Variants in CC2D2B observed in about 807,000 individuals in gnomAD.
CC2D2B encodes the protein protein CC2D2B.
A neutral mutation model predicts 161.2 loss-of-function variants in CC2D2B; 128 were observed. The observed-to-expected ratio is 0.79, with a 90% confidence interval of 0.69 to 0.92. The LOEUF (loss-of-function observed/expected upper bound fraction) is 0.92, where lower values mean the gene tolerates loss of function less well. Among genes scored for constraint, CC2D2B ranks in the 40% least tolerant of loss-of-function variants. The probability of loss-of-function intolerance (pLI) is 0.00; values close to 1 mark genes in which losing one functional copy is unlikely to be tolerated. For missense variants in CC2D2B, 1,173 were observed against 1,375.1 expected (o/e 0.85, Z 2.32); for synonymous variants, 391 against 449.8 (o/e 0.87, Z 1.65).
chr10:95,965,880 G>A lies in CC2D2B; in HGVS notation c.1251-16G>A. ...CATTATTTCTGCTTTCAATAATTCT[G>A]TTTATTATTAATTAGGATTAAAATG... On this transcript the variant is annotated splice_polypyrimidine_tract_variant and intron_variant, in intron 12 of 34. Transcript: ENST00000646931. 9.5e-7 allele frequency: 1 copy of A among 1,050,852 alleles called. No homozygotes were observed. The highest frequency in any genetic ancestry group is 1.2e-6 in the Non-Finnish European group (1 of 825,142). The allele number at this position is 1,050,852 out of a possible 1,614,324, so 65.1% of individuals were successfully genotyped here. A position where few individuals can be genotyped will look rare whatever the true frequency, so the allele number is the denominator to read the frequency against.
At chr10:95,966,602 G>A (rs1043777305) in intron 14 of CC2D2B, among the ~76,000 whole-genome samples, 2 of 151,996 alleles carry the variant, frequency 1.3e-5, no homozygotes, top group African/African-American at 4.8e-5. Context: ...TTCACTGCTA[G>A]TCTTCATATA....
At chr10:95,915,814 T>C (rs979711323) in intron 2 of CC2D2B, among the ~76,000 whole-genome samples, 2 of 152,158 alleles carry the variant, frequency 1.3e-5, no homozygotes, top group Non-Finnish European at 2.9e-5. Context: ...TAGTATTTTG[T>C]TGAGGATTTT....
At chr10:96,016,578 C>T (rs972100946) in intron 30 of CC2D2B, among the ~76,000 whole-genome samples, 8 of 152,212 alleles carry the variant, frequency 5.3e-5, no homozygotes, top group African/African-American at 1.7e-4. Context: ...TATTAAATTA[C>T]TTAGTACATA....
intron 9 of CC2D2B, among the ~76,000 whole-genome samples, chr10:95,947,579 T>C (rs1458619134): frequency 2.0e-5 from 3 of 151,850 alleles, no homozygotes; most frequent in Admixed American, 6.6e-5. Flanking sequence ...CCGTCTCTAC[T>C]AAAAATACAA....
chr10:95,996,825 C>T (rs976035524), intron 24 of CC2D2B, among the ~76,000 whole-genome samples: 1 of 152,198 alleles, frequency 6.6e-6, no homozygotes, highest in Non-Finnish European at 1.5e-5. Flanking sequence ...GTGTTGAAAA[C>T]TTAACTCCCA....
At chr10:95,983,850 A>G (rs2141607688) in intron 19 of CC2D2B, 41 bp downstream of exon 19, 1 of 937,438 alleles carries the variant, frequency 1.1e-6, no homozygotes, top group Admixed American at 4.3e-5. Context: ...TGTATGATAA[A>G]GTTAACGTTT....
intron 24 of CC2D2B, among the ~76,000 whole-genome samples, chr10:96,003,440 T>C (rs2078601511): frequency 7.1e-6 from 1 of 139,908 alleles, no homozygotes; most frequent in African/African-American, 2.6e-5. Context: ...TATTTAGAGA[T>C]GGAGTTCTGC....
intron 34 of CC2D2B, among the ~76,000 whole-genome samples, chr10:96,030,729 GAAGT>G (rs536911372): frequency 4.1e-4 from 63 of 152,256 alleles, no homozygotes; most frequent in African/African-American, 1.4e-3. Flanking sequence ...TATGGTAAAA[GAAGT>G]AAGGTAGGTT....
At chr10:95,962,982 T>C (rs1431607410) in intron 12 of CC2D2B, among the ~76,000 whole-genome samples, 1 of 152,074 alleles carries the variant, frequency 6.6e-6, no homozygotes, top group East Asian at 1.9e-4. Context: ...TGGACCCATA[T>C]TGCCTGCTCA....
intron 6 of CC2D2B, among the ~76,000 whole-genome samples, chr10:95,929,024 A>G (rs2098544734): frequency 6.6e-6 from 1 of 152,104 alleles, no homozygotes; most frequent in East Asian, 1.9e-4. Context: ...CAACAGTGTA[A>G]AAGTGTTCCT....
chr10:95,981,876 C>T (rs1455664795), intron 17 of CC2D2B, 99 bp from the exon 18 acceptor site: 1 of 601,728 alleles, frequency 1.7e-6, no homozygotes, highest in Non-Finnish European at 2.4e-6. Context: ...CTTCAAATAC[C>T]CAGAATGGGT....
At chr10:95,947,101 A>T (rs1204635669) in intron 9 of CC2D2B, among the ~76,000 whole-genome samples, 1 of 35,580 alleles carries the variant, frequency 2.8e-5, no homozygotes, top group African/African-American at 1.9e-4. Flanking sequence ...ATATATATAT[A>T]TATATATATA....
intron 11 of CC2D2B, among the ~76,000 whole-genome samples, chr10:95,959,944 A>T (rs990882294): frequency 6.6e-6 from 1 of 152,204 alleles, no homozygotes; most frequent in Non-Finnish European, 1.5e-5. Context: ...TGTAATAAAT[A>T]CATTATACAA....
intron 24 of CC2D2B, 61 bp from the exon 25 acceptor site, chr10:96,004,091 C>G: frequency 2.1e-6 from 2 of 965,418 alleles, no homozygotes; most frequent in Non-Finnish European, 3.1e-6. Context: ...GAATAGTGCT[C>G]TTAGGAAATA....
chr10:95,917,965 C>T (rs958002472), intron 2 of CC2D2B, among the ~76,000 whole-genome samples: 9 of 151,984 alleles, frequency 5.9e-5, no homozygotes, highest in African/African-American at 1.7e-4. Context: ...TAAGTAGAGA[C>T]GGGGTTTCAC....
chr10:96,011,487 G>A (rs537388892), intron 26 of CC2D2B, among the ~76,000 whole-genome samples: 31 of 152,256 alleles, frequency 2.0e-4, no homozygotes, highest in African/African-American at 7.2e-4. Context: ...TGAATGATAC[G>A]ATCTATATCA....
chr10:95,928,982 C>G (rs566497446), intron 6 of CC2D2B, among the ~76,000 whole-genome samples: 2 of 152,288 alleles, frequency 1.3e-5, no homozygotes, highest in African/African-American at 4.8e-5. Flanking sequence ...AATTGCCACA[C>G]TGTCTTCCAC....
At chr10:95,945,218 G>A (rs2076155194) in intron 9 of CC2D2B, among the ~76,000 whole-genome samples, 2 of 152,174 alleles carry the variant, frequency 1.3e-5, no homozygotes, top group Admixed American at 6.5e-5. Flanking sequence ...AATTGACTAA[G>A]ACAGTAGCAT....
chr10:95,937,849 C>T, intron 6 of CC2D2B, 142 bp from the exon 7 acceptor site: 1 of 611,520 alleles, frequency 1.6e-6, no homozygotes, highest in Non-Finnish European at 2.9e-6. Context: ...TTCATTGTAA[C>T]ACAAGTTCAA....
Sources: gnomAD v4.1 joint callset for allele counts (sites outside exome capture counted in the v4.1 genomes callset) on GRCh38, gnomAD v4.1.1 for gene constraint, MANE v1.5 for transcripts, NCBI Gene and HGNC (gene_info 2026-07-23, HGNC 2026-07-21) for gene names.